Variants in MITF observed in about 807,000 individuals in gnomAD.
The protein encoded by MITF is melanocyte inducing transcription factor.
Under a neutral mutation model 60.5 loss-of-function variants are expected in MITF, and 17 were observed. The ratio of observed to expected loss-of-function variants is 0.28; its 90% confidence interval spans 0.19 to 0.42. The LOEUF is 0.42. Ranked by LOEUF, MITF falls within the 10% of genes least tolerant of loss-of-function variation. The probability of loss-of-function intolerance (pLI) is 1.00; values close to 1 mark genes in which losing one functional copy is unlikely to be tolerated. For synonymous variants in MITF, 260 were observed against 248.5 expected, an observed-to-expected ratio of 1.05 and a Z score of -0.43; for missense variants, 622 against 683.5, an observed-to-expected ratio of 0.91 and a Z score of 1.00.
intron 1 of MITF, among the ~76,000 whole-genome samples, chr3:69,785,892 C>A (rs952984328): frequency 6.6e-6 from 1 of 151,830 alleles, no homozygotes; most frequent in African/African-American, 2.4e-5. Flanking sequence ...GTGATCTGTA[C>A]CGTGGATGAA....
chr3:69,898,992 A>G (rs1162180187), intron 2 of MITF, among the ~76,000 whole-genome samples: 1 of 152,160 alleles, frequency 6.6e-6, no homozygotes, highest in Admixed American at 6.6e-5. Context: ...TAGTCAAACA[A>G]TCTCCCTACC....
chr3:69,880,494 A>G (rs988119228), intron 2 of MITF, among the ~76,000 whole-genome samples: 4 of 152,150 alleles, frequency 2.6e-5, no homozygotes, highest in African/African-American at 7.2e-5. Flanking sequence ...TAGGGAAAAA[A>G]GATACAAATA....
chr3:69,890,407 G>A (rs1256659501), intron 2 of MITF, among the ~76,000 whole-genome samples: 13 of 151,948 alleles, frequency 8.6e-5, no homozygotes, highest in South Asian at 2.1e-4. Flanking sequence ...GCACCTGTCC[G>A]GTGTGTTAAA....
intron 1 of MITF, among the ~76,000 whole-genome samples, chr3:69,835,735 C>A (rs901125059): frequency 1.3e-5 from 2 of 152,084 alleles, no homozygotes; most frequent in African/African-American, 4.8e-5. Flanking sequence ...AGGAGACTGT[C>A]CTTTTCCTAT....
At chr3:69,884,238 C>G (rs79984046) in intron 2 of MITF, among the ~76,000 whole-genome samples, 1 of 152,198 alleles carries the variant, frequency 6.6e-6, no homozygotes, top group East Asian at 1.9e-4. Flanking sequence ...CTGGAAGGAA[C>G]GACTGTTAAC....
rs745759504 is a variant in MITF, at chr3:69,953,684, G to GAGAGAGAC, written c.955+1803_955+1804insGACAGAGA. On this transcript the variant is annotated intron_variant, in intron 7 of 9. Transcript: ENST00000352241. ...ATATAGAGAGAGAGAGAGAGAGAGAGAGAGACAGAGACAGAGACAGAGACA... is the reference window on the plus strand; with the variant it reads ...ATATAGAGAGAGAGAGAGAGAGAGAGAGAGAGACAGAGACAGAGACAGAGACAGAGACA... Among the ~76,000 whole-genome samples the GAGAGAGAC allele has an allele frequency of 7.8e-4, 112 of 143,980 alleles. 3 individuals are homozygous for GAGAGAGAC. Among genetic ancestry groups the GAGAGAGAC allele is most frequent in the South Asian group, 4.5e-3 (19 of 4,208 alleles). 94.5% of individuals were successfully genotyped at this position (143,980 alleles called of 152,430 possible).
At chr3:69,931,458 T>A (rs9822057) in intron 2 of MITF, among the ~76,000 whole-genome samples, 1 of 152,000 alleles carries the variant, frequency 6.6e-6, no homozygotes, top group Non-Finnish European at 1.5e-5. Context: ...AAAGTATGCC[T>A]GTCTTGTGGT....
At chr3:69,903,788 G>A (rs1473006798) in intron 2 of MITF, among the ~76,000 whole-genome samples, 3 of 152,128 alleles carry the variant, frequency 2.0e-5, no homozygotes, top group Non-Finnish European at 2.9e-5. Context: ...AGCATGGTGG[G>A]TGTTTGGGCA....
At chr3:69,795,494 G>A (rs62250981) in intron 1 of MITF, among the ~76,000 whole-genome samples, 23,430 of 152,188 alleles carry the variant, frequency 0.15, 2,107 homozygotes, top group South Asian at 0.21. Flanking sequence ...GGGAGGCCGA[G>A]GTGGGAGGAT....
At chr3:69,938,538 T>C in intron 3 of MITF, 3 of 1,432,544 alleles carry the variant, frequency 2.1e-6, no homozygotes, top group South Asian at 3.2e-5. Flanking sequence ...TTGAATCATA[T>C]AGCACATGAG....
chr3:69,756,438 C>A lies in MITF; in HGVS notation c.104+16737C>A, dbSNP rs562686697. ...TGGGAATGATGGTTTCCAGCTTTAT[C>A]CATGTCCCTGCAAAGGACATGAACT... On this transcript the variant is annotated intron_variant, in intron 1 of 9. Coordinates refer to ENST00000352241, the MANE Select transcript of MITF (RefSeq NM_001354604.2). 6.0e-5 allele frequency among the ~76,000 whole-genome samples: 9 copies of A among 150,964 alleles called. No individual in the cohort carries two copies. In the East Asian group the frequency reaches 1.7e-3, roughly 29 times the overall value.
At chr3:69,938,128 G>A in intron 3 of MITF, 79 bp downstream of exon 3, 1 of 1,451,088 alleles carries the variant, frequency 6.9e-7, no homozygotes, top group Non-Finnish European at 9.6e-7. Context: ...ACACTTAACT[G>A]TGGACTCTAG....
intron 2 of MITF, among the ~76,000 whole-genome samples, chr3:69,906,863 G>T (rs1009355777): frequency 2.6e-5 from 4 of 152,092 alleles, no homozygotes; most frequent in African/African-American, 4.8e-5. Flanking sequence ...AATGAAAATA[G>T]GAGCTGTCAA....
At position 69,937,806 on chromosome 3, in the gene MITF, C is replaced by G; in HGVS notation, c.355-16C>G. The G allele has an allele frequency of 6.2e-7, 1 of 1,610,372 alleles. No individual in the cohort carries two copies. The highest frequency in any genetic ancestry group is 1.3e-5 in the African/African-American group (1 of 74,970). ...ATAACAGCGCTGTTTTCTTTTCCCTCCATGGCTATGTTCAGGTGCAGACCC... is the reference window on the plus strand; with the variant it reads ...ATAACAGCGCTGTTTTCTTTTCCCTGCATGGCTATGTTCAGGTGCAGACCC... On this transcript the variant is annotated splice_polypyrimidine_tract_variant and intron_variant, in intron 2 of 9. Transcript: ENST00000352241.
intron 2 of MITF, among the ~76,000 whole-genome samples, chr3:69,903,654 C>G (rs1477471602): frequency 1.3e-5 from 2 of 152,114 alleles, no homozygotes; most frequent in Non-Finnish European, 2.9e-5. Flanking sequence ...AAAAAAATAT[C>G]AGCAAGAGGA....
intron 1 of MITF, among the ~76,000 whole-genome samples, chr3:69,847,128 C>T (rs796323769): frequency 1.3e-5 from 2 of 152,116 alleles, no homozygotes; most frequent in Non-Finnish European, 2.9e-5. Flanking sequence ...TCTATAAGGA[C>T]AGTGGGACAG....
intron 2 of MITF, among the ~76,000 whole-genome samples, chr3:69,927,187 A>G (rs2107449195): frequency 6.6e-6 from 1 of 152,182 alleles, no homozygotes; most frequent in Non-Finnish European, 1.5e-5. Context: ...AGCAGCATGT[A>G]TAGTGTTTTT....
intron 1 of MITF, among the ~76,000 whole-genome samples, chr3:69,755,625 A>AG (rs1216597274): frequency 2.0e-5 from 3 of 151,694 alleles, no homozygotes; most frequent in East Asian, 1.9e-4. Context: ...GCAAGCATAA[A>AG]GGGGAAAAAA....
intron 1 of MITF, among the ~76,000 whole-genome samples, chr3:69,745,786 A>G (rs1355127262): frequency 6.6e-6 from 1 of 152,198 alleles, no homozygotes; most frequent in Non-Finnish European, 1.5e-5. Context: ...GTGTTCAAGA[A>G]ACTTAACTTC....
Sources: allele counts gnomAD v4.1 joint callset (sites outside exome capture counted in the v4.1 genomes callset), GRCh38; gene constraint gnomAD v4.1.1; transcripts MANE v1.5; gene names NCBI Gene and HGNC (gene_info 2026-07-23, HGNC 2026-07-21).